The following MGAM2 variants were observed in gnomAD, a reference collection of about 807,000 sequenced individuals.
MGAM2 encodes probable maltase-glucoamylase 2.
In MGAM2, 98 loss-of-function variants were observed where a neutral mutation model predicts 96.1. The observed-to-expected ratio is 1.02, with a 90% CI of 0.87 to 1.21. MGAM2 has a LOEUF of 1.21. Ranked by LOEUF, MGAM2 falls within the 50% of genes most tolerant of loss-of-function variation. The pLI is 0.00. For synonymous variants in MGAM2, 749 were observed against 414.8 expected (o/e 1.81, Z -9.79); for missense variants, 2,055 against 1,182.4 (o/e 1.74, Z -10.82).
intron 15 of MGAM2, among the ~76,000 whole-genome samples, chr7:142,149,464 C>A (rs1410634097): frequency 6.6e-6 from 1 of 152,048 alleles, no homozygotes; most frequent in Non-Finnish European, 1.5e-5. Flanking sequence ...ATTTTAAAAT[C>A]TATAATTATA....
chr7:142,180,554 G>A (rs1169220749), intron 32 of MGAM2, among the ~76,000 whole-genome samples: 1 of 152,096 alleles, frequency 6.6e-6, no homozygotes, highest in Non-Finnish European at 1.5e-5. Context: ...GGGATTCTCT[G>A]AATTTCTTAA....
In MGAM2 at chr7:142,117,320, T is replaced by C. The variant is rs569911341; in HGVS notation, c.106+341T>C. On this transcript the variant is annotated intron_variant, in intron 2 of 47. Coordinates refer to ENST00000477922, the MANE Select transcript of MGAM2 (RefSeq NM_001293626.2). ...GTTAAGCTAACAGTGCCCAGCCCCA[T>C]TATATTATGGAAAAGGAAACTAAGG... Among the ~76,000 whole-genome samples, 12 of 152,094 alleles carry C rather than the reference T, an allele frequency of 7.9e-5. 1 individual carries two copies. Among genetic ancestry groups the C allele is most frequent in the African/African-American group, 2.7e-4 (11 of 41,498 alleles).
chr7:142,149,745 G>A (rs554525770), intron 15 of MGAM2, among the ~76,000 whole-genome samples: 2 of 151,958 alleles, frequency 1.3e-5, no homozygotes, highest in African/African-American at 2.4e-5. Flanking sequence ...GTTTCACAGC[G>A]TTAGCCAGGA....
intron 46 of MGAM2, among the ~76,000 whole-genome samples, chr7:142,212,184 C>T (rs1797606210): frequency 6.6e-6 from 1 of 152,214 alleles, no homozygotes; most frequent in Admixed American, 6.5e-5. Flanking sequence ...GCCTGCCTTA[C>T]AAGAGCTCCT....
rs1563250732 is a variant in MGAM2 at position 142,130,924 on chromosome 7, GCTAA to G, written c.187-21_187-18del. 1 of 702,048 alleles carries G rather than the reference GCTAA, an allele frequency of 1.4e-6. No homozygotes were observed. The highest frequency in any genetic ancestry group is 1.5e-5 in the South Asian group (1 of 67,536). 43.5% of individuals were successfully genotyped at this position (702,048 alleles called of 1,614,324 possible). On this transcript the variant is annotated intron_variant, in intron 3 of 47. Coordinates refer to ENST00000477922, the MANE Select transcript of MGAM2 (RefSeq NM_001293626.2). Reference sequence around the variant, plus strand: ...CTTTCCTTCCCTCAGTTTATATACTGCTAACTCTGTGTCATTGTTACAGGATATC... The same window carrying G: ...CTTTCCTTCCCTCAGTTTATATACTGCTCTGTGTCATTGTTACAGGATATC...
rs756375426 is a variant in MGAM2 at position 142,208,633 on chromosome 7, T to G, written c.5187+11T>G. ...TTTATAGCAGCTCAGGTAAGACTAA[T>G]TTACTACATTTTACAAATCTTTTCC... On this transcript the variant is annotated intron_variant, in intron 46 of 47. Coordinates refer to ENST00000477922, the MANE Select transcript of MGAM2 (RefSeq NM_001293626.2). 3 of 701,680 alleles carry G rather than the reference T, an allele frequency of 4.3e-6. No individual in the cohort carries two copies. The highest frequency in any genetic ancestry group is 7.8e-6 in the Non-Finnish European group (3 of 384,616). 43.5% of individuals were successfully genotyped at this position (701,680 alleles called of 1,614,324 possible).
In MGAM2 at chr7:142,148,397, A is replaced by G. The variant is rs74516030; in HGVS notation, c.1634+824A>G. On this transcript the variant is annotated intron_variant, in intron 15 of 47. Transcript: ENST00000477922. The surrounding 1 kb of genome is among the most constrained non-coding windows in gnomAD (Gnocchi z 4.2). ...CACCACCACCATCCCTACCACCACC[A>G]TCACCATCATCACTATCCCCATCAC... is the stretch of plus-strand genomic sequence containing the variant. 4.6e-5 allele frequency among the ~76,000 whole-genome samples: 7 copies of G among 151,946 alleles called. No homozygotes were observed. In the East Asian group the frequency reaches 7.7e-4, roughly 17 times the overall value.
At chr7:142,167,732 C>G (rs1333897865) in intron 26 of MGAM2, among the ~76,000 whole-genome samples, 1 of 152,106 alleles carries the variant, frequency 6.6e-6, no homozygotes, top group Non-Finnish European at 1.5e-5. Context: ...TCCGACACAC[C>G]TGGCTAATTT....
chr7:142,218,634 T>G, intron 47 of MGAM2, 103 bp downstream of exon 47: 6 of 591,126 alleles, frequency 1.0e-5, no homozygotes, highest in South Asian at 8.7e-5. Flanking sequence ...TTGTTAAATT[T>G]TCATGTATTA....
At chr7:142,189,238 C>A (rs1796795084) in intron 36 of MGAM2, 129 bp from the exon 37 acceptor site, 1 of 548,426 alleles carries the variant, frequency 1.8e-6, no homozygotes, top group Non-Finnish European at 3.2e-6. Context: ...TAGACTAAAA[C>A]CTCATAAAAT....
intron 38 of MGAM2, 41 bp downstream of exon 38, chr7:142,196,328 GGCACTGGAGTTTGT>G (rs1797034294): frequency 1.4e-6 from 1 of 693,578 alleles, no homozygotes; most frequent in South Asian, 1.6e-5. Context: ...TGGCAGGGAG[GGCACTGGAGTTTGT>G]GCTGTTCAAC....
Position 142,205,553 on chromosome 7 carries a change from C to A in MGAM2, c.5138-3020C>A, listed in dbSNP as rs755993009. Among the ~76,000 whole-genome samples, 31 of 152,166 alleles carry A rather than the reference C, an allele frequency of 2.0e-4. No individual in the cohort carries two copies. In the Middle Eastern group the frequency reaches 0.01, roughly 50 times the overall value. On this transcript the variant is annotated intron_variant, in intron 45 of 47. Transcript: ENST00000477922. ...GTGGTTTTGATTAATTTATATTTCT[C>A]TGATAACTAATGTTGTTGAACATCT...
In MGAM2 at chr7:142,130,217, A is replaced by G. The variant is rs558299704; in HGVS notation, c.187-731A>G. On this transcript the variant is annotated intron_variant, in intron 3 of 47. Transcript: ENST00000477922. ...CATAGCAGAGATATTGTGAATTTCT[A>G]TGTTACCCTCTGTCCTAGTTTTATT... 4.6e-5 allele frequency among the ~76,000 whole-genome samples: 7 copies of G among 152,276 alleles called. No homozygotes were observed. In the South Asian group the frequency reaches 8.3e-4, roughly 18 times the overall value.
chr7:142,186,978 G>A (rs190560015), intron 35 of MGAM2, among the ~76,000 whole-genome samples: 10 of 151,728 alleles, frequency 6.6e-5, no homozygotes, highest in Non-Finnish European at 8.8e-5. Context: ...TTTTTCCAAT[G>A]GAGGGAAAGC....
At chr7:142,159,234 G>A in intron 19 of MGAM2, 53 bp from the exon 20 acceptor site, 1 of 697,588 alleles carries the variant, frequency 1.4e-6, no homozygotes, top group Non-Finnish European at 2.6e-6. Flanking sequence ...GAGGTGTTTT[G>A]TAAACTGTAG....
rs142278178 is a variant in MGAM2, at chr7:142,192,257, A to G, written c.4346+2752A>G. Among the ~76,000 whole-genome samples the G allele has an allele frequency of 2.7e-3, 414 of 152,206 alleles. 2 individuals carry two copies. The highest frequency in any genetic ancestry group is 9.4e-3 in the African/African-American group (391 of 41,546). ...CCTTTCCCACTTTCTTTACATCTTC[A>G]TCTTTCAGTTGCTCTTTCACAGTCT... On this transcript the variant is annotated intron_variant, in intron 37 of 47. Transcript: ENST00000477922.
chr7:142,213,888 C>T (rs527972054), intron 46 of MGAM2, among the ~76,000 whole-genome samples: 1 of 152,294 alleles, frequency 6.6e-6, no homozygotes, highest in South Asian at 2.1e-4. Context: ...GCCAGTATCC[C>T]TGATGAACAT....
At chr7:142,202,925 T>C (rs1038728511) in intron 45 of MGAM2, among the ~76,000 whole-genome samples, 1 of 152,240 alleles carries the variant, frequency 6.6e-6, no homozygotes, top group Non-Finnish European at 1.5e-5. Flanking sequence ...CTAATTTACA[T>C]TTCCACCAAC....
chr7:142,155,074 G>A (rs1795698701), intron 17 of MGAM2, among the ~76,000 whole-genome samples: 1 of 152,172 alleles, frequency 6.6e-6, no homozygotes, highest in Non-Finnish European at 1.5e-5. Flanking sequence ...CCAACAAAGT[G>A]AGAAGATTTG....
Sources: allele counts gnomAD v4.1 joint callset (sites outside exome capture counted in the v4.1 genomes callset), GRCh38; gene constraint gnomAD v4.1.1; non-coding constraint Gnocchi (gnomAD v3.1); transcripts MANE v1.5; gene names NCBI Gene and HGNC (gene_info 2026-07-23, HGNC 2026-07-21).